The following EVL variants were observed in gnomAD, a reference collection of about 807,000 sequenced individuals.
EVL encodes Enah/Vasp-like, also known as ena/VASP-like protein.
In EVL, 21 loss-of-function variants were observed where a neutral mutation model predicts 59.6. That is an observed-to-expected ratio of 0.35 (90% CI 0.25 to 0.51). The LOEUF (loss-of-function observed/expected upper bound fraction) is 0.51. Among genes scored for constraint, EVL ranks in the 20% least tolerant of loss-of-function variants. The probability of loss-of-function intolerance (pLI) is 0.97; values close to 1 mark genes in which losing one functional copy is unlikely to be tolerated. For synonymous variants in EVL, 198 were observed against 203.5 expected (o/e 0.97, Z 0.23); for missense variants, 462 against 546.6 (o/e 0.85, Z 1.54).
chr14:100,034,793 T>C (rs2061365068), intron 1 of EVL, among the ~76,000 whole-genome samples: 3 of 152,204 alleles, frequency 2.0e-5, no homozygotes, highest in Admixed American at 2.0e-4. Flanking sequence ...CCCATTTGGA[T>C]GTGAGCTCAG....
intron 11 of EVL, chr14:100,139,963 C>G (rs899019035): frequency 6.6e-6 from 1 of 152,246 alleles, no homozygotes; most frequent in South Asian, 2.1e-4. Context: ...GACACATTAA[C>G]ATTCAAATCA....
chr14:100,054,049 C>CTTTTTTT (rs11302582), intron 1 of EVL, among the ~76,000 whole-genome samples: 6 of 61,254 alleles, frequency 9.8e-5, no homozygotes, highest in Non-Finnish European at 1.2e-4. Context: ...TATTTTTGGA[C>CTTTTTTT]TTTTTTTTTT....
At chr14:100,057,282 A>G (rs2140256486) in intron 1 of EVL, among the ~76,000 whole-genome samples, 1 of 152,278 alleles carries the variant, frequency 6.6e-6, no homozygotes, top group South Asian at 2.1e-4. Context: ...GAAAGATTAT[A>G]TGTAGCATAG....
At chr14:100,104,603 G>A (rs762406470) in intron 3 of EVL, among the ~76,000 whole-genome samples, 5 of 152,176 alleles carry the variant, frequency 3.3e-5, no homozygotes, top group Non-Finnish European at 7.3e-5. Flanking sequence ...AGAGAACTTG[G>A]CAAGGTTTTT....
upstream of EVL, chr14:99,971,436 C>T (rs1228114903): frequency 1.3e-5 from 2 of 151,832 alleles, no homozygotes; most frequent in Admixed American, 6.6e-5. Context: ...TCAGCGCTCC[C>T]GGAGGCGCGG....
intron 1 of EVL, among the ~76,000 whole-genome samples, chr14:100,039,961 G>T (rs2061443092): frequency 6.6e-6 from 1 of 152,122 alleles, no homozygotes; most frequent in Non-Finnish European, 1.5e-5. Flanking sequence ...TAACTTTTTT[G>T]CAGAGATGGA....
intron 1 of EVL, among the ~76,000 whole-genome samples, chr14:100,030,177 C>T (rs1239449569): frequency 1.3e-5 from 2 of 151,664 alleles, no homozygotes; most frequent in Admixed American, 6.6e-5. Context: ...ACTGCAACCT[C>T]CGCCTCCTGG....
chr14:100,007,494 A>G (rs894149771), intron 1 of EVL, among the ~76,000 whole-genome samples: 17 of 152,188 alleles, frequency 1.1e-4, no homozygotes, highest in Admixed American at 3.3e-4. Flanking sequence ...ACTTTTGAAA[A>G]AAAGATCTGT....
intron 3 of EVL, among the ~76,000 whole-genome samples, chr14:100,118,757 G>A (rs1165606339): frequency 6.6e-6 from 1 of 152,152 alleles, no homozygotes; most frequent in Non-Finnish European, 1.5e-5. Flanking sequence ...GCTGAGTCTG[G>A]CCCAGCCTTC....
intron 1 of EVL, among the ~76,000 whole-genome samples, chr14:100,072,810 GA>G (rs945725718): frequency 6.6e-6 from 1 of 152,140 alleles, no homozygotes; most frequent in African/African-American, 2.4e-5. Context: ...AAGTTGGAGT[GA>G]AAAACAGCTT....
intron 1 of EVL, among the ~76,000 whole-genome samples, chr14:100,036,695 G>A (rs186145031): frequency 6.6e-6 from 1 of 152,296 alleles, no homozygotes; most frequent in Admixed American, 6.5e-5. Flanking sequence ...CTCCAAAGGA[G>A]ATGACCATCC....
At chr14:100,091,840 C>T (rs948177557) in intron 2 of EVL, among the ~76,000 whole-genome samples, 3 of 152,110 alleles carry the variant, frequency 2.0e-5, no homozygotes, top group Non-Finnish European at 4.4e-5. Flanking sequence ...GCCCTCAACC[C>T]GTGGAACCTG....
At chr14:99,978,406 A>G (rs2060784930) in intron 1 of EVL, among the ~76,000 whole-genome samples, 1 of 152,174 alleles carries the variant, frequency 6.6e-6, no homozygotes, top group African/African-American at 2.4e-5. Context: ...TGTCTCAAAA[A>G]AAAAAAAAGG....
At chr14:99,988,535 G>A (rs921177666) in intron 1 of EVL, among the ~76,000 whole-genome samples, 7 of 152,164 alleles carry the variant, frequency 4.6e-5, no homozygotes, top group Non-Finnish European at 8.8e-5. Flanking sequence ...CAGTTTTTCA[G>A]AATGTTAGAC....
At chr14:100,079,784 G>T (rs1030564704) in intron 1 of EVL, among the ~76,000 whole-genome samples, 1 of 152,120 alleles carries the variant, frequency 6.6e-6, no homozygotes, top group East Asian at 1.9e-4. Flanking sequence ...CACAGGGAGT[G>T]GGGGAGCAAG....
intron 1 of EVL, among the ~76,000 whole-genome samples, chr14:100,042,546 G>A (rs1321264799): frequency 2.6e-5 from 4 of 152,108 alleles, no homozygotes; most frequent in African/African-American, 9.7e-5. Context: ...CTGGGCCCTG[G>A]GCCCAGCGAC....
intron 1 of EVL, among the ~76,000 whole-genome samples, chr14:100,043,155 C>T (rs2061491656): frequency 6.6e-6 from 1 of 152,032 alleles, no homozygotes; most frequent in African/African-American, 2.4e-5. Context: ...TCCATCTGAG[C>T]ACCTCAGGTT....
At chr14:99,987,363 C>T (rs1019887436) in intron 1 of EVL, among the ~76,000 whole-genome samples, 4 of 152,102 alleles carry the variant, frequency 2.6e-5, no homozygotes, top group African/African-American at 7.2e-5. Context: ...GGTTAGAGGC[C>T]GGGCATGGTG....
intron 1 of EVL, among the ~76,000 whole-genome samples, chr14:99,995,902 G>C (rs1210701035): frequency 1.3e-5 from 2 of 152,022 alleles, no homozygotes; most frequent in African/African-American, 4.8e-5. Flanking sequence ...TTCCTCTCTG[G>C]TGCTGTGGCA....
Sources: allele counts gnomAD v4.1 joint callset (sites outside exome capture counted in the v4.1 genomes callset), GRCh38; gene constraint gnomAD v4.1.1; transcripts MANE v1.5; gene names NCBI Gene and HGNC (gene_info 2026-07-23, HGNC 2026-07-21).